The following RIMKLB variants were observed in gnomAD, a reference collection of about 807,000 sequenced individuals.
RIMKLB encodes ribosomal modification protein rimK like family member B.
A neutral mutation model predicts 32.0 loss-of-function variants in RIMKLB; 7 were observed. The observed-to-expected ratio is 0.22, with a 90% CI of 0.12 to 0.41. RIMKLB has a LOEUF of 0.41. Ranked by LOEUF, RIMKLB falls within the 10% of genes least tolerant of loss-of-function variation. The pLI is 1.00. For missense variants in RIMKLB, 289 were observed against 498.7 expected, an observed-to-expected ratio of 0.58 and a Z score of 4.00; for synonymous variants, 172 against 185.1, an observed-to-expected ratio of 0.93 and a Z score of 0.57.
intron 5 of RIMKLB, among the ~76,000 whole-genome samples, chr12:8,764,002 G>A (rs748524546): frequency 1.3e-5 from 2 of 152,256 alleles, no homozygotes; most frequent in South Asian, 4.1e-4. Flanking sequence ...AGAGTATAAG[G>A]GTTAGGTATA....
At chr12:8,707,003 A>G (rs1342029291) in intron 1 of RIMKLB, among the ~76,000 whole-genome samples, 1 of 152,226 alleles carries the variant, frequency 6.6e-6, no homozygotes, top group Admixed American at 6.5e-5. Flanking sequence ...GGAAAGTCAC[A>G]GAAAAAGAGG....
chr12:8,766,791 G>C (rs773621512), intron 5 of RIMKLB, among the ~76,000 whole-genome samples: 1 of 152,206 alleles, frequency 6.6e-6, no homozygotes, highest in Non-Finnish European at 1.5e-5. Flanking sequence ...TAGGTTAAGG[G>C]AATTTTCAGT....
intron 7 of RIMKLB, among the ~76,000 whole-genome samples, chr12:8,782,594 A>G (rs1951157081): frequency 6.6e-6 from 1 of 152,158 alleles, no homozygotes; most frequent in African/African-American, 2.4e-5. Context: ...GAGTTAGAAT[A>G]GTTTTTCCTG....
At chr12:8,766,812 A>G (rs1950006220) in intron 5 of RIMKLB, among the ~76,000 whole-genome samples, 1 of 152,250 alleles carries the variant, frequency 6.6e-6, no homozygotes, top group African/African-American at 2.4e-5. Flanking sequence ...GGTTAATGTT[A>G]AATCACCTTT....
intron 5 of RIMKLB, among the ~76,000 whole-genome samples, chr12:8,757,666 T>C (rs1158300186): frequency 1.3e-5 from 2 of 152,202 alleles, no homozygotes; most frequent in African/African-American, 4.8e-5. Context: ...TACTTTTAGT[T>C]CTTCTGTCTG....
At chr12:8,752,841 A>C in intron 4 of RIMKLB, among the ~76,000 whole-genome samples, 1 of 151,872 alleles carries the variant, frequency 6.6e-6, no homozygotes, top group Non-Finnish European at 1.5e-5. Flanking sequence ...CCCAGATTCA[A>C]GCGATTCTCC....
Position 8,776,450 on chromosome 12 carries a change from TG to T in RIMKLB, c.*2667del, listed in dbSNP as rs1950731386. On this transcript the variant is annotated 3_prime_UTR_variant, in exon 6 of 6. Transcript: ENST00000535829. ...ATTTTCATAATTGTTTAATAACTTTTGTATAATCTTCATTGCTATTATGAGA... is the reference window on the plus strand; with the variant it reads ...ATTTTCATAATTGTTTAATAACTTTTTATAATCTTCATTGCTATTATGAGA... The T allele has an allele frequency of 1.2e-6, 1 of 830,504 alleles. No homozygotes were observed. The highest frequency in any genetic ancestry group is 1.9e-5 in the African/African-American group (1 of 54,032). 51.4% of individuals were successfully genotyped at this position (830,504 alleles called of 1,614,324 possible).
chr12:8,697,702 T>A (rs1252644048), upstream of RIMKLB: 16 of 297,886 alleles, frequency 5.4e-5, no homozygotes, highest in Non-Finnish European at 1.2e-4. Flanking sequence ...CCGCGCGCGA[T>A]CCATCGCCTC....
Position 8,777,190 on chromosome 12 carries a change from G to A in RIMKLB, c.*3406G>A. The A allele has an allele frequency of 2.1e-6, 2 of 934,452 alleles. No individual in the cohort carries two copies. Among genetic ancestry groups the A allele is most frequent in the Non-Finnish European group, 2.5e-6 (2 of 789,046 alleles). The allele number at this position is 934,452 out of a possible 1,614,324, so 57.9% of individuals were successfully genotyped here. ...TAATATATTGCAGGATTTATAACCAGGTTCACTGACTGCTTGCTTGCTTTC... is the reference window on the plus strand; with the variant it reads ...TAATATATTGCAGGATTTATAACCAAGTTCACTGACTGCTTGCTTGCTTTC... On this transcript the variant is annotated 3_prime_UTR_variant, in exon 6 of 6. Transcript: ENST00000535829.
In RIMKLB at chr12:8,776,698, T is replaced by C; in HGVS notation, c.*2914T>C. Reference sequence around the variant, plus strand: ...TTTTTTTCTTTTTTGGTGCCTATAATTGATTGGTCATTTCTGCTGGCTTTT... The same window carrying C: ...TTTTTTTCTTTTTTGGTGCCTATAACTGATTGGTCATTTCTGCTGGCTTTT... On this transcript the variant is annotated 3_prime_UTR_variant, in exon 6 of 6. Coordinates refer to ENST00000535829, the MANE Select transcript of RIMKLB (RefSeq NM_001297776.2). The C allele has an allele frequency of 2.0e-6, 2 of 985,140 alleles. No homozygotes were observed. Among genetic ancestry groups the C allele is most frequent in the Non-Finnish European group, 2.4e-6 (2 of 829,774 alleles). 61.0% of individuals were successfully genotyped at this position (985,140 alleles called of 1,614,324 possible).
intron 1 of RIMKLB, among the ~76,000 whole-genome samples, chr12:8,684,348 T>A (rs914942728): frequency 6.6e-6 from 1 of 152,020 alleles, no homozygotes; most frequent in Non-Finnish European, 1.5e-5. Flanking sequence ...AATTTTTGTA[T>A]TTTTAGTAGA....
the RIMKLB span, among the ~76,000 whole-genome samples, chr12:8,670,078 G>A: frequency 6.8e-6 from 1 of 146,136 alleles, no homozygotes; most frequent in Admixed American, 6.8e-5. Context: ...CCATGATTCA[G>A]TTACCTCCCC....
At position 8,776,229 on chromosome 12, in the gene RIMKLB, T is replaced by C; in HGVS notation, c.*2445T>C. The C allele has an allele frequency of 5.1e-6, 5 of 980,370 alleles. No homozygotes were observed. The highest frequency in any genetic ancestry group is 6.1e-6 in the Non-Finnish European group (5 of 825,368). 60.7% of individuals were successfully genotyped at this position (980,370 alleles called of 1,614,324 possible). On this transcript the variant is annotated 3_prime_UTR_variant, in exon 6 of 6. Coordinates refer to ENST00000535829, the MANE Select transcript of RIMKLB (RefSeq NM_001297776.2). ...AAATATGTGAAATTAGTTCATTAGCTTTATTCACTATTATGCATTCACATG... is the reference window on the plus strand; with the variant it reads ...AAATATGTGAAATTAGTTCATTAGCCTTATTCACTATTATGCATTCACATG...
intron 1 of RIMKLB, among the ~76,000 whole-genome samples, chr12:8,706,016 G>GTATA (rs1943844363): frequency 6.6e-6 from 1 of 152,212 alleles, no homozygotes; most frequent in South Asian, 2.1e-4. Context: ...CTTCAGCAAT[G>GTATA]TATAGACTAT....
At chr12:8,765,057 C>A (rs59235894) in intron 5 of RIMKLB, among the ~76,000 whole-genome samples, 1 of 151,394 alleles carries the variant, frequency 6.6e-6, no homozygotes, top group Non-Finnish European at 1.5e-5. Flanking sequence ...AGGCACACTT[C>A]TGAAGTTTTT....
At chr12:8,741,382 A>T (rs991348424) in intron 2 of RIMKLB, among the ~76,000 whole-genome samples, 2 of 148,234 alleles carry the variant, frequency 1.3e-5, no homozygotes, top group African/African-American at 2.5e-5. Context: ...CACCTTAAAA[A>T]AAAAAAGGAG....
chr12:8,695,999 A>G (rs1942878093), upstream of RIMKLB, among the ~76,000 whole-genome samples: 1 of 152,150 alleles, frequency 6.6e-6, no homozygotes, highest in African/African-American at 2.4e-5. Context: ...TGCCCTGAAT[A>G]ACAACTTTTA....
In RIMKLB at chr12:8,732,933, C is replaced by T. The variant is rs141600849; in HGVS notation, c.176-16929C>T. On this transcript the variant is annotated intron_variant, in intron 2 of 5. Coordinates refer to ENST00000535829, the MANE Select transcript of RIMKLB (RefSeq NM_001297776.2). Reference sequence around the variant, plus strand: ...TTGAGGTATAATTCATACAATATACCGCATAGGTCTTCTTATTGGTGGACG... The same window carrying T: ...TTGAGGTATAATTCATACAATATACTGCATAGGTCTTCTTATTGGTGGACG... 2.0e-3 allele frequency among the ~76,000 whole-genome samples: 306 copies of T among 152,102 alleles called. 1 individual carries two copies. Among genetic ancestry groups the T allele is most frequent in the African/African-American group, 6.9e-3 (287 of 41,512 alleles).
chr12:8,758,461 A>G (rs1443888865), intron 5 of RIMKLB, among the ~76,000 whole-genome samples: 1 of 152,106 alleles, frequency 6.6e-6, no homozygotes, highest in South Asian at 2.1e-4. Flanking sequence ...TGTCAGTTAT[A>G]TGAATTGTAA....
Sources: allele counts gnomAD v4.1 joint callset (sites outside exome capture counted in the v4.1 genomes callset), GRCh38; gene constraint gnomAD v4.1.1; transcripts MANE v1.5; gene names NCBI Gene and HGNC (gene_info 2026-07-23, HGNC 2026-07-21).